The following NCOR2 variants were observed in gnomAD, a reference collection of about 807,000 sequenced individuals.
NCOR2 encodes CTG repeat protein 26.
NCOR2 carries 81 observed loss-of-function variants against 262.9 expected under a neutral mutation model. That is an observed-to-expected ratio of 0.31 (90% confidence interval 0.26 to 0.37). NCOR2 has a LOEUF of 0.37. Ranked by LOEUF, NCOR2 falls within the 10% of genes least tolerant of loss-of-function variation. NCOR2 has a pLI of 1.00. For synonymous variants in NCOR2, 1,659 were observed against 1,559.3 expected (o/e 1.06, Z -1.51); for missense variants, 3,385 against 3,621.4 (o/e 0.93, Z 1.68).
chr12:124,333,665 C>G (rs1355726863), intron 41 of NCOR2, among the ~76,000 whole-genome samples: 1 of 151,466 alleles, frequency 6.6e-6, no homozygotes, highest in Non-Finnish European at 1.5e-5. Context: ...CATTACCCCC[C>G]CCGCCCCCAC....
chr12:124,558,361 C>T (rs1357360443), intron 1 of NCOR2, among the ~76,000 whole-genome samples: 1 of 132,372 alleles, frequency 7.6e-6, no homozygotes, highest in African/African-American at 2.8e-5. Context: ...AGATGGGGGG[C>T]GTGCAGGCCT....
chr12:124,434,347 T>A (rs1163316989), intron 8 of NCOR2, among the ~76,000 whole-genome samples: 1 of 151,988 alleles, frequency 6.6e-6, no homozygotes. Flanking sequence ...AAAGAGACCA[T>A]CCCAATCGCC....
chr12:124,402,817 G>A (rs2042055516), intron 13 of NCOR2, among the ~76,000 whole-genome samples: 1 of 152,186 alleles, frequency 6.6e-6, no homozygotes, highest in African/African-American at 2.4e-5. Flanking sequence ...ATTGGTGTCA[G>A]AAGTGCTGGC....
At position 124,523,511 on chromosome 12, in the gene NCOR2, T is replaced by C. The variant is rs1245319952; in HGVS notation, c.-118+12054A>G. Among the ~76,000 whole-genome samples the C allele has an allele frequency of 6.6e-6, 1 of 152,060 alleles. No individual in the cohort carries two copies. Among genetic ancestry groups the C allele is most frequent in the East Asian group, 1.9e-4 (1 of 5,190 alleles). ...CAAGCTCTCAGTGTGCCAGGGTCAG[T>C]GGGCTTCACGCGGCCTCCACTGTGC... On this transcript the variant is annotated intron_variant, in intron 1 of 46. Transcript: ENST00000404621. The surrounding 1 kb of genome is among the most constrained non-coding windows in gnomAD (Gnocchi z 4.0).
chr12:124,346,589 G>C, exon 31 of NCOR2: 1 of 1,573,202 alleles, frequency 6.4e-7, no homozygotes, highest in Non-Finnish European at 8.6e-7. Flanking sequence ...CTCCTTGAGC[G>C]GCCGCGGGGC....
intron 1 of NCOR2, among the ~76,000 whole-genome samples, chr12:124,519,089 T>TACACACACACACACATAC (rs2050019364): frequency 1.0e-5 from 1 of 97,320 alleles, no homozygotes; most frequent in South Asian, 4.1e-4. Flanking sequence ...GGCCAAATAA[T>TACACACACACACACATAC]ACACACACAC....
At chr12:124,418,409 C>T (rs570665272) in intron 13 of NCOR2, among the ~76,000 whole-genome samples, 1 of 152,192 alleles carries the variant, frequency 6.6e-6, no homozygotes, top group African/African-American at 2.4e-5. Context: ...GGGACCCCGC[C>T]CCCAACCCGT....
chr12:124,350,120 C>T (rs2037318875), intron 28 of NCOR2, among the ~76,000 whole-genome samples: 2 of 152,294 alleles, frequency 1.3e-5, no homozygotes, highest in South Asian at 4.1e-4. Context: ...GCACTCGATT[C>T]CCTTAACTCC....
chr12:124,403,514 G>A (rs2042097498), intron 13 of NCOR2, among the ~76,000 whole-genome samples: 1 of 152,030 alleles, frequency 6.6e-6, no homozygotes, highest in African/African-American at 2.4e-5. Context: ...AGCACACACT[G>A]ATTTTCTTGG....
At chr12:124,327,907 G>C (rs1358475104) in intron 44 of NCOR2, among the ~76,000 whole-genome samples, 2 of 152,072 alleles carry the variant, frequency 1.3e-5, no homozygotes, top group African/African-American at 4.8e-5. Flanking sequence ...AGGGAGGTGG[G>C]GTAGGGGAGG....
intron 1 of NCOR2, among the ~76,000 whole-genome samples, chr12:124,555,164 C>G (rs1481589867): frequency 4.6e-5 from 7 of 152,228 alleles, no homozygotes; most frequent in African/African-American, 1.7e-4. Context: ...TCTGGCCACA[C>G]CGGGTTATTG....
At chr12:124,439,256 GAGAGAT>G (rs2044647807) in intron 7 of NCOR2, among the ~76,000 whole-genome samples, 2 of 99,710 alleles carry the variant, frequency 2.0e-5, no homozygotes, top group Admixed American at 1.1e-4. Context: ...CCCAGAGAGA[GAGAGAT>G]GGAGACCCTG....
At chr12:124,390,278 G>A (rs1326834616) in intron 16 of NCOR2, among the ~76,000 whole-genome samples, 2 of 152,174 alleles carry the variant, frequency 1.3e-5, no homozygotes, top group Admixed American at 6.5e-5. Flanking sequence ...GCCCTAGCAC[G>A]GCCCAGGTGA....
chr12:124,336,721 T>C (rs1210767991), intron 38 of NCOR2, 32 bp downstream of exon 40: 3 of 1,609,498 alleles, frequency 1.9e-6, no homozygotes, highest in African/African-American at 1.3e-5. Flanking sequence ...TAATCGCGTC[T>C]ATGAAGGTGG....
Position 124,548,509 on chromosome 12 carries a change from ATTCTT to A in NCOR2, c.-164-12903_-164-12899del, listed in dbSNP as rs1385430858. Among the ~76,000 whole-genome samples the A allele has an allele frequency of 2.0e-5, 3 of 152,170 alleles. No homozygotes were observed. In the East Asian group the frequency reaches 5.8e-4, roughly 29 times the overall value. On this transcript the variant is annotated intron_variant, in intron 1 of 32. Transcript: ENST00000458234. This position sits in a 1 kb window ranked among gnomAD's most constrained non-coding sequence, Gnocchi z 5.1. ...GGTCCATCATGGTGCCTGGTCTGCCATTCTTTTCTTTTTGTCATTATTATTGATAT... is the reference window on the plus strand; with the variant it reads ...GGTCCATCATGGTGCCTGGTCTGCCATTCTTTTTGTCATTATTATTGATAT...
chr12:124,509,236 G>GC (rs2049243690), intron 1 of NCOR2, among the ~76,000 whole-genome samples: 1 of 24,360 alleles, frequency 4.1e-5, no homozygotes, highest in Non-Finnish European at 9.0e-5. Flanking sequence ...TGGCTTTGGT[G>GC]GGGGGGGGGG....
intron 1 of NCOR2, among the ~76,000 whole-genome samples, chr12:124,515,663 G>A (rs900682921): frequency 2.0e-5 from 3 of 151,488 alleles, no homozygotes; most frequent in African/African-American, 7.3e-5. Context: ...GTGTGAGTGT[G>A]CATGTGAGTG....
At chr12:124,501,143 G>A (rs925602566) in intron 1 of NCOR2, among the ~76,000 whole-genome samples, 1 of 150,166 alleles carries the variant, frequency 6.7e-6, no homozygotes, top group Non-Finnish European at 1.5e-5. Context: ...GAAGCCCAAG[G>A]CACAAAGCCC....
chr12:124,354,430 C>G, intron 26 of NCOR2, 48 bp downstream of exon 28: 1 of 1,434,946 alleles, frequency 7.0e-7, no homozygotes. Flanking sequence ...TTTGGGCACC[C>G]GAGGAACAGG....
Sources: allele counts gnomAD v4.1 joint callset (sites outside exome capture counted in the v4.1 genomes callset), GRCh38; gene constraint gnomAD v4.1.1; non-coding constraint Gnocchi (gnomAD v3.1); transcripts MANE v1.5; gene names NCBI Gene and HGNC (gene_info 2026-07-23, HGNC 2026-07-21).